The following GBE1 variants were observed in gnomAD, a reference collection of about 807,000 sequenced individuals.
GBE1 encodes the protein 1,4-alpha-glucan-branching enzyme.
In GBE1, 70 loss-of-function variants were observed where a neutral mutation model predicts 88.8. The ratio of observed to expected loss-of-function variants is 0.79; its 90% CI spans 0.65 to 0.96. GBE1 has a LOEUF of 0.96. Ranked by LOEUF, GBE1 falls within the 40% of genes least tolerant of loss-of-function variation. The pLI is 0.00. For synonymous variants in GBE1, 284 were observed against 300.1 expected, an observed-to-expected ratio of 0.95 and a Z score of 0.56; for missense variants, 872 against 871.0, an observed-to-expected ratio of 1.00 and a Z score of -0.01.
At chr3:81,730,767 T>A (rs999410195) in intron 1 of GBE1, among the ~76,000 whole-genome samples, 1 of 152,190 alleles carries the variant, frequency 6.6e-6, no homozygotes, top group African/African-American at 2.4e-5. Flanking sequence ...GTTAACTTCA[T>A]AAAGAACCCC....
At chr3:81,684,011 C>T (rs116425964) in intron 2 of GBE1, among the ~76,000 whole-genome samples, 4,307 of 152,268 alleles carry the variant, frequency 0.028, 222 homozygotes, top group African/African-American at 0.094. Flanking sequence ...CTTGGTGACA[C>T]TGATTCCAGT....
In GBE1 at chr3:81,733,854, T is replaced by C. The variant is rs1485560777; in HGVS notation, c.143+27521A>G. ...CTTGTTCACACCTATATTCCAATTA[T>C]CTACAACAGTACCTGGCTCATAGTA... On this transcript the variant is annotated intron_variant, in intron 1 of 15. Coordinates refer to ENST00000429644, the MANE Select transcript of GBE1 (RefSeq NM_000158.4). The surrounding 1 kb of genome is among the most constrained non-coding windows in gnomAD (Gnocchi z 4.0). Among the ~76,000 whole-genome samples the C allele has an allele frequency of 6.6e-6, 1 of 152,188 alleles. No individual in the cohort carries two copies. The highest frequency in any genetic ancestry group is 2.4e-5 in the African/African-American group (1 of 41,450).
chr3:81,725,120 A>G (rs1002150237), intron 1 of GBE1, among the ~76,000 whole-genome samples: 2 of 152,214 alleles, frequency 1.3e-5, no homozygotes, highest in African/African-American at 4.8e-5. Flanking sequence ...AAGGCTTTAT[A>G]CACACTGTCA....
At chr3:81,731,441 C>T (rs1191994719) in intron 1 of GBE1, among the ~76,000 whole-genome samples, 1 of 152,122 alleles carries the variant, frequency 6.6e-6, no homozygotes, top group Non-Finnish European at 1.5e-5. Flanking sequence ...ACTATGGATT[C>T]CCTATTACCA....
At chr3:81,526,452 G>A (rs1702945698) in intron 14 of GBE1, among the ~76,000 whole-genome samples, 1 of 152,068 alleles carries the variant, frequency 6.6e-6, no homozygotes, top group Non-Finnish European at 1.5e-5. Context: ...CAGATGACAT[G>A]ATTGTATATC....
At chr3:81,625,152 A>C (rs62265452) in intron 7 of GBE1, among the ~76,000 whole-genome samples, 33,542 of 151,342 alleles carry the variant, frequency 0.22, 4,042 homozygotes, top group Admixed American at 0.28. Flanking sequence ...AGAAAAACAC[A>C]GAAACCAAGA....
chr3:81,503,351 G>T (rs1165113845), intron 14 of GBE1, among the ~76,000 whole-genome samples: 1 of 152,162 alleles, frequency 6.6e-6, no homozygotes, highest in Non-Finnish European at 1.5e-5. Context: ...ACTTTTGAAG[G>T]CTGGGTTAGG....
chr3:81,572,672 T>C (rs1346369766), intron 12 of GBE1, among the ~76,000 whole-genome samples: 1 of 152,228 alleles, frequency 6.6e-6, no homozygotes, highest in African/African-American at 2.4e-5. Context: ...CATCTGTACA[T>C]GTTTATATAT....
chr3:81,512,504 A>G (rs1702739283), intron 14 of GBE1, among the ~76,000 whole-genome samples: 1 of 151,900 alleles, frequency 6.6e-6, no homozygotes, highest in African/African-American at 2.4e-5. Flanking sequence ...CAAAGGCATC[A>G]TTAACCTCTA....
chr3:81,591,134 T>A lies in GBE1; in HGVS notation c.1139A>T (p.Tyr380Phe). ...ATCTTCATCTACTTGTAGTCCGAAA[T>A]ATTCACTGTAATCACCTGAGAAACC... The part of the protein sequence containing the change: ...GQGFSGDYSE[Y>F]FGLQVDEDAL... The change falls in exon 9 of 16, where the codon TAT becomes TTT. Residue 380 changes from tyrosine to phenylalanine, a missense_variant. Physicochemically the swap from Tyr to Phe is conservative, Grantham distance 22 (BLOSUM62 3). Transcript: ENST00000429644. The A allele has an allele frequency of 6.2e-7, 1 of 1,605,990 alleles. No homozygotes were observed. The highest frequency in any genetic ancestry group is 8.5e-7 in the Non-Finnish European group (1 of 1,175,424).
At chr3:81,642,596 T>C in intron 7 of GBE1, 185 bp downstream of exon 7, 1 of 507,948 alleles carries the variant, frequency 2.0e-6, no homozygotes, top group South Asian at 2.9e-5. Context: ...TGAAATTTAA[T>C]GAAATATACC....
chr3:81,745,920 TA>T (rs1414228722), intron 1 of GBE1, among the ~76,000 whole-genome samples: 1 of 152,122 alleles, frequency 6.6e-6, no homozygotes, highest in Non-Finnish European at 1.5e-5. Flanking sequence ...CTAATATATT[TA>T]TAAGATAATG....
chr3:81,501,364 A>G (rs954809801), intron 14 of GBE1, among the ~76,000 whole-genome samples: 6 of 152,206 alleles, frequency 3.9e-5, no homozygotes, highest in African/African-American at 7.2e-5. Flanking sequence ...TTCCCGGCAC[A>G]GGAAAGACAA....
chr3:81,639,671 AC>A (rs1704643461), intron 7 of GBE1, among the ~76,000 whole-genome samples: 1 of 152,206 alleles, frequency 6.6e-6, no homozygotes, highest in Admixed American at 6.5e-5. Context: ...CATGTTCTAA[AC>A]CCAGACCATA....
chr3:81,747,486 C>T (rs1228007465), intron 1 of GBE1, among the ~76,000 whole-genome samples: 1 of 152,128 alleles, frequency 6.6e-6, no homozygotes, highest in Non-Finnish European at 1.5e-5. Context: ...TTGGAGACCA[C>T]ACTAGCCAAC....
chr3:81,626,635 A>T (rs1160444826), intron 7 of GBE1, among the ~76,000 whole-genome samples: 1 of 151,980 alleles, frequency 6.6e-6, no homozygotes, highest in African/African-American at 2.4e-5. Flanking sequence ...AGTGCATGAA[A>T]AGCACTGGAG....
intron 4 of GBE1, 146 bp from the exon 5 acceptor site, chr3:81,649,137 A>T: frequency 3.7e-6 from 2 of 533,704 alleles, no homozygotes; most frequent in Non-Finnish European, 6.3e-6. Flanking sequence ...CACTCACTAA[A>T]TTTTCTCTCA....
chr3:81,645,306 C>T (rs911825293), intron 6 of GBE1, among the ~76,000 whole-genome samples: 7 of 152,030 alleles, frequency 4.6e-5, no homozygotes, highest in African/African-American at 1.2e-4. Flanking sequence ...TAATAATAAG[C>T]AACAAGTGAG....
At chr3:81,609,937 G>A (rs574668107) in intron 7 of GBE1, among the ~76,000 whole-genome samples, 1 of 152,246 alleles carries the variant, frequency 6.6e-6, no homozygotes, top group East Asian at 1.9e-4. Context: ...TTTATTCACA[G>A]CCAGTTACAA....
Sources: allele counts gnomAD v4.1 joint callset (sites outside exome capture counted in the v4.1 genomes callset), GRCh38; gene constraint gnomAD v4.1.1; non-coding constraint Gnocchi (gnomAD v3.1); transcripts MANE v1.5; gene names NCBI Gene and HGNC (gene_info 2026-07-23, HGNC 2026-07-21).